The following SBF1 variants were observed in gnomAD, a reference collection of about 807,000 sequenced individuals.
SBF1 encodes myotubularin-related protein 5.
Under a neutral mutation model 215.8 loss-of-function variants are expected in SBF1, and 65 were observed. The ratio of observed to expected loss-of-function variants is 0.30; its 90% CI spans 0.25 to 0.37. SBF1 has a LOEUF of 0.37. Among genes scored for constraint, SBF1 ranks in the 10% least tolerant of loss-of-function variants. The pLI is 1.00. For missense variants in SBF1, 2,634 were observed against 2,667.8 expected, an observed-to-expected ratio of 0.99 and a Z score of 0.28; for synonymous variants, 1,410 against 1,122.8, an observed-to-expected ratio of 1.26 and a Z score of -5.11.
At chr22:50,472,691 G>C (rs548328556) in intron 1 of SBF1, among the ~76,000 whole-genome samples, 1 of 152,164 alleles carries the variant, frequency 6.6e-6, no homozygotes, top group Non-Finnish European at 1.5e-5. Context: ...GCTATCAAGG[G>C]GCAAAGCAGA....
intron 28 of SBF1, chr22:50,457,336 G>C: frequency 4.6e-6 from 2 of 432,446 alleles, no homozygotes; most frequent in Non-Finnish European, 4.1e-6. Context: ...CAGCAGAAGG[G>C]CTATGCGGTG....
rs187706496 is a variant in SBF1, at chr22:50,468,458, C to T, written c.59G>A (p.Ser20Asn). 7.5e-6 allele frequency: 12 copies of T among 1,602,016 alleles called. No homozygotes were observed. The highest frequency in any genetic ancestry group is 1.1e-5 in the South Asian group (1 of 89,708). ...CAGAATCTGGCCCTGGCCTTCCCCA[C>T]TCCCTGAGGACAAGAACAGGGGGTC... ...LVAFGPHPRG[S>N]GEGQGQILQR... Residue 20 changes from serine to asparagine, a missense_variant, in exon 2 of 41, where the codon AGT (serine) becomes AAT (asparagine). Coordinates refer to ENST00000380817, the MANE Select transcript of SBF1 (RefSeq NM_002972.4).
intron 35 of SBF1, 32 bp downstream of exon 35, chr22:50,454,782 G>A (rs771195424): frequency 1.9e-6 from 3 of 1,608,148 alleles, no homozygotes; most frequent in Middle Eastern, 1.7e-4. Flanking sequence ...GGTCGGGCAG[G>A]AGCCGCCTAC....
At chr22:50,453,476 A>G (rs11704222) in intron 36 of SBF1, among the ~76,000 whole-genome samples, 22,195 of 152,154 alleles carry the variant, frequency 0.15, 1,768 homozygotes, top group East Asian at 0.28. Flanking sequence ...TGCACAAGGA[A>G]CCAGAAGCTC....
At chr22:50,456,976 C>A in intron 29 of SBF1, 58 bp downstream of exon 29, 1 of 1,331,050 alleles carries the variant, frequency 7.5e-7, no homozygotes, top group Admixed American at 3.6e-5. Context: ...TCAGTGCACA[C>A]TAGAGGCCGC....
At chr22:50,459,055 C>CTGGTCTGGGCACACACT (rs1033446924) in intron 28 of SBF1, among the ~76,000 whole-genome samples, 200 bp downstream of exon 28, 27 of 152,182 alleles carry the variant, frequency 1.8e-4, no homozygotes, top group Middle Eastern at 6.8e-3. Flanking sequence ...GGGCACACAC[C>CTGGTCTGGGCACACACT]TGGTCTGGGC....
chr22:50,456,181 C>A, intron 31 of SBF1, 35 bp downstream of exon 31: 1 of 1,603,546 alleles, frequency 6.2e-7, no homozygotes, highest in Non-Finnish European at 8.5e-7. Flanking sequence ...GGGCCCAGCA[C>A]CAAGGCGGGC....
At chr22:50,463,572 A>G (rs1165562527) in intron 15 of SBF1, 140 bp from the exon 16 acceptor site, 1 of 943,582 alleles carries the variant, frequency 1.1e-6, no homozygotes, top group Non-Finnish European at 1.5e-6. Context: ...TTGCCGACCA[A>G]TAAAGACTAA....
chr22:50,452,366 C>CA (rs2067079810), intron 36 of SBF1, among the ~76,000 whole-genome samples: 1 of 152,032 alleles, frequency 6.6e-6, no homozygotes, highest in Non-Finnish European at 1.5e-5. Flanking sequence ...TTATAAATGG[C>CA]AAAAATAGAA....
intron 28 of SBF1, among the ~76,000 whole-genome samples, chr22:50,457,805 G>A (rs2067315126): frequency 6.6e-6 from 1 of 152,204 alleles, no homozygotes; most frequent in Non-Finnish European, 1.5e-5. Flanking sequence ...AGGCTCACCT[G>A]CTTCTGCAAG....
chr22:50,447,355 G>A lies in SBF1; in HGVS notation c.5550C>T (p.Ala1850=), dbSNP rs1485077891. ...AGGCCTTCTCGTCCACAGTCTTAGG[G>A]GCACCCATAGTGGGCGTGCCAGGTG... is the stretch of plus-strand genomic sequence containing the variant. The part of the protein sequence containing the change: ...AVAPGTPTMG[A]PKTVDEKAFF... Residue 1850 remains alanine (A), a synonymous_variant, in exon 40 of 41, where the codon GCC becomes GCT. Transcript: ENST00000380817. 1.2e-6 allele frequency: 2 copies of A among 1,614,086 alleles called. No individual in the cohort carries two copies. Among genetic ancestry groups the A allele is most frequent in the South Asian group, 1.1e-5 (1 of 91,082 alleles).
intron 1 of SBF1, 141 bp downstream of exon 1, chr22:50,474,645 C>T: frequency 1.7e-6 from 1 of 584,190 alleles, no homozygotes; most frequent in African/African-American, 2.0e-5. Flanking sequence ...CCCTCAGCGC[C>T]CGGCCCTCAG....
At chr22:50,454,438 CA>C (rs1002258176) in intron 36 of SBF1, 73 bp downstream of exon 36, 2 of 1,313,840 alleles carry the variant, frequency 1.5e-6, no homozygotes, top group African/African-American at 2.9e-5. Flanking sequence ...AGTGTACACA[CA>C]CACGCACGAC....
At position 50,462,830 on chromosome 22, in the gene SBF1, G is replaced by T. The variant is rs9617014; in HGVS notation, c.1968+40C>A. On this transcript the variant is annotated intron_variant, in intron 17 of 40. Transcript: ENST00000380817. ...GAAGGAGACCTCAGCCACCAGGAAG[G>T]GGGGGCTGGGAAGGAGACCTCAGCC... 0.44 allele frequency: 703,419 copies of T among 1,610,358 alleles called. 160,325 individuals carry two copies. Among genetic ancestry groups the T allele is most frequent in the Non-Finnish European group, 0.48 (564,695 of 1,178,190 alleles).
At chr22:50,454,445 A>C in intron 36 of SBF1, 67 bp downstream of exon 36, 1 of 1,386,092 alleles carries the variant, frequency 7.2e-7, no homozygotes, top group Non-Finnish European at 1.0e-6. Context: ...ACACACACGC[A>C]CGACCCTGGT....
rs1240420679 is a variant in SBF1 at position 50,459,323 on chromosome 22, G to A, written c.3758C>T (p.Pro1253Leu). The A allele has an allele frequency of 6.2e-7, 1 of 1,612,790 alleles. No homozygotes were observed. The highest frequency in any genetic ancestry group is 8.5e-7 in the Non-Finnish European group (1 of 1,179,564). The change falls in exon 28 of 41, where the codon CCC becomes CTC. Residue 1253 changes from proline (P) to leucine (L), a missense_variant. By Grantham distance (98) the Pro-to-Leu change is moderately conservative. Transcript: ENST00000380817. ...KYLQAVVSSM[P>L]RYADASGRNT... ...GCGTCCCGACGCGTCGGCGTAGCGG[G>A]GCATGGAGCTGACCACAGCCTGCAG...
chr22:50,474,833 C>T lies in SBF1; in HGVS notation c.8G>A (p.Arg3Gln). The change falls in exon 1 of 41, where the codon CGG (arginine) becomes CAG (glutamine). Residue 3 changes from arginine (R) to glutamine (Q), a missense_variant. Physicochemically the swap from Arg to Gln is conservative, Grantham distance 43. Coordinates refer to ENST00000380817, the MANE Select transcript of SBF1 (RefSeq NM_002972.4). Reference protein sequence around the residue: MARLADYFVLVAF... With the variant: MAQLADYFVLVAF... ...CACCAGCACGAAGTAGTCCGCGAGCCGCGCCATGGCGAGGGACGCGGGGCG... is the reference window on the plus strand; with the variant it reads ...CACCAGCACGAAGTAGTCCGCGAGCTGCGCCATGGCGAGGGACGCGGGGCG... 1 of 1,435,018 alleles carries T rather than the reference C, an allele frequency of 7.0e-7. No homozygotes were observed. Among genetic ancestry groups the T allele is most frequent in the Middle Eastern group, 2.5e-4 (1 of 4,032 alleles). The allele number at this position is 1,435,018 out of a possible 1,614,324, so 88.9% of individuals were successfully genotyped here.
chr22:50,455,810 G>A (rs1402617932), intron 31 of SBF1: 1 of 587,102 alleles, frequency 1.7e-6, no homozygotes, highest in Admixed American at 3.0e-5. Context: ...AAGCCCTCTA[G>A]GACTGAGGGA....
At chr22:50,449,625 A>AACACACAC (rs59541336) in intron 36 of SBF1, among the ~76,000 whole-genome samples, 13,736 of 146,856 alleles carry the variant, frequency 0.094, 839 homozygotes, top group East Asian at 0.29. Context: ...AAAACACACA[A>AACACACAC]ACACACACAC....
Sources: gnomAD v4.1 joint callset for allele counts (sites outside exome capture counted in the v4.1 genomes callset) on GRCh38, gnomAD v4.1.1 for gene constraint, MANE v1.5 for transcripts, NCBI Gene and HGNC (gene_info 2026-07-23, HGNC 2026-07-21) for gene names.